DCDC1: variants seen among roughly 807,000 people sequenced by gnomAD.
The protein encoded by DCDC1 is doublecortin domain-containing protein 1.
In DCDC1, 200 loss-of-function variants were observed where a neutral mutation model predicts 178.3. That is an observed-to-expected ratio of 1.12 (90% CI 1.00 to 1.26). The LOEUF (loss-of-function observed/expected upper bound fraction) is 1.26, where lower values mean the gene tolerates loss of function less well. Ranked by LOEUF, DCDC1 falls within the 50% of genes most tolerant of loss-of-function variation. The pLI is 0.00. For synonymous variants in DCDC1, 690 were observed against 604.8 expected, an observed-to-expected ratio of 1.14 and a Z score of -2.07; for missense variants, 1,983 against 1,749.2, an observed-to-expected ratio of 1.13 and a Z score of -2.38.
rs542211219 is a variant in DCDC1 at position 31,041,357 on chromosome 11, C to G, written c.2591+23112G>C. 4.8e-4 allele frequency among the ~76,000 whole-genome samples: 73 copies of G among 152,292 alleles called. 1 individual carries two copies. The South Asian group carries it at 8.3e-3, about 17-fold the overall frequency. On this transcript the variant is annotated intron_variant, in intron 20 of 38. Coordinates refer to ENST00000684477, the MANE Select transcript of DCDC1 (RefSeq NM_001387274.1). The stretch of plus-strand genomic sequence containing the variant: ...CTTCAAATAACTGTTCTGCTGAGCA[C>G]TAGGTCCCAAGCACTATTTCTAAGT...
intron 20 of DCDC1, among the ~76,000 whole-genome samples, chr11:31,063,113 G>C (rs376734545): frequency 1.3e-5 from 2 of 151,806 alleles, no homozygotes; most frequent in South Asian, 2.1e-4. Flanking sequence ...CTCATCATCA[G>C]TGGCCATCAG....
At chr11:31,137,081 T>A (rs1207756413) in intron 10 of DCDC1, among the ~76,000 whole-genome samples, 1 of 152,182 alleles carries the variant, frequency 6.6e-6, no homozygotes, top group Non-Finnish European at 1.5e-5. Context: ...CCTATGTTGG[T>A]AGGTTTTATA....
At position 30,878,730 on chromosome 11, in the gene DCDC1, A is replaced by G. The variant is rs747807868; in HGVS notation, c.5234-19T>C. 9.7e-6 allele frequency: 15 copies of G among 1,550,904 alleles called. No homozygotes were observed. The Admixed American group carries it at 1.3e-4, about 14-fold the overall frequency. ...TTTAACTCTGTTAAAAAAAAAAAAA[A>G]AAGAAGTTGAGAGACAAGTCAATGT... is the stretch of plus-strand genomic sequence containing the variant. On this transcript the variant is annotated intron_variant, in intron 37 of 38. Transcript: ENST00000684477.
At chr11:31,213,100 C>CCTCTCTCTCTCTCT (rs71060480) in intron 9 of DCDC1, among the ~76,000 whole-genome samples, 9 of 44,268 alleles carry the variant, frequency 2.0e-4, no homozygotes, top group Non-Finnish European at 2.7e-4. Context: ...TAAAGCCCAG[C>CCTCTCTCTCTCTCT]CTCTCTCTCT....
chr11:31,033,031 G>C (rs1953764550), intron 20 of DCDC1, among the ~76,000 whole-genome samples: 1 of 152,166 alleles, frequency 6.6e-6, no homozygotes, highest in Non-Finnish European at 1.5e-5. Context: ...AGCCCTTCCA[G>C]CAATTCCATC....
rs1940813925 is a variant in DCDC1 at position 30,864,106 on chromosome 11, A to G, written c.*1267T>C. 6.6e-6 allele frequency: 1 copy of G among 152,136 alleles called. No homozygotes were observed. The highest frequency in any genetic ancestry group is 2.4e-5 in the African/African-American group (1 of 41,404). 9.4% of individuals were successfully genotyped at this position (152,136 alleles called of 1,614,324 possible). On this transcript the variant is annotated 3_prime_UTR_variant, in exon 39 of 39. Transcript: ENST00000684477. ...CGCGCCACTGAACTCCAGACTGGGCAACAGAGTGAGACTCCATCTCAAAAA... is the reference window on the plus strand; with the variant it reads ...CGCGCCACTGAACTCCAGACTGGGCGACAGAGTGAGACTCCATCTCAAAAA...
chr11:31,111,511 C>T (rs1399185122), intron 11 of DCDC1, among the ~76,000 whole-genome samples: 1 of 152,124 alleles, frequency 6.6e-6, no homozygotes, highest in Non-Finnish European at 1.5e-5. Context: ...CAAGAACCTA[C>T]AGCTTTCAGC....
intron 20 of DCDC1, among the ~76,000 whole-genome samples, chr11:31,034,267 T>C (rs1187087657): frequency 6.7e-6 from 1 of 149,050 alleles, no homozygotes; most frequent in Admixed American, 6.8e-5. Context: ...TATAAAAGAG[T>C]CAAAGTTAAA....
chr11:31,115,136 T>A (rs1959687386), intron 11 of DCDC1, among the ~76,000 whole-genome samples: 1 of 152,170 alleles, frequency 6.6e-6, no homozygotes, highest in South Asian at 2.1e-4. Flanking sequence ...TTTTATTGAC[T>A]GTGAAGATTT....
intron 20 of DCDC1, among the ~76,000 whole-genome samples, chr11:30,985,493 A>G (rs1247902775): frequency 6.6e-6 from 1 of 152,212 alleles, no homozygotes; most frequent in African/African-American, 2.4e-5. Context: ...TATAATTCAC[A>G]TAAAGTAAAA....
intron 36 of DCDC1, among the ~76,000 whole-genome samples, chr11:30,885,286 A>C (rs1395721412): frequency 6.6e-6 from 1 of 151,906 alleles, no homozygotes. Context: ...CTGCAAAAAA[A>C]TTAGATGAAA....
chr11:30,949,485 C>A (rs1351845170), intron 21 of DCDC1, among the ~76,000 whole-genome samples: 1 of 152,106 alleles, frequency 6.6e-6, no homozygotes, highest in African/African-American at 2.4e-5. Context: ...TGCCATATGA[C>A]CCAGCAATCC....
chr11:31,289,806 G>C (rs1434141212), intron 7 of DCDC1, among the ~76,000 whole-genome samples: 2 of 151,906 alleles, frequency 1.3e-5, no homozygotes, highest in African/African-American at 4.8e-5. Flanking sequence ...TGTTTTTTTA[G>C]ATGAAGAAAC....
At chr11:31,327,039 A>G (rs1405298010) in intron 3 of DCDC1, among the ~76,000 whole-genome samples, 2 of 152,102 alleles carry the variant, frequency 1.3e-5, no homozygotes, top group East Asian at 3.8e-4. Flanking sequence ...TTCATACCAT[A>G]CCTTCTTTAT....
chr11:30,908,796 C>T (rs1218084945), intron 29 of DCDC1, 150 bp downstream of exon 29: 4 of 533,248 alleles, frequency 7.5e-6, no homozygotes, highest in Admixed American at 4.1e-5. Context: ...TCTTTCCTAC[C>T]AGAATCAGAG....
chr11:31,254,638 C>A (rs1452325044), intron 8 of DCDC1, among the ~76,000 whole-genome samples: 2 of 152,162 alleles, frequency 1.3e-5, no homozygotes, highest in Non-Finnish European at 2.9e-5. Context: ...GCTCATGAGT[C>A]TGCAAGTTAA....
intron 20 of DCDC1, among the ~76,000 whole-genome samples, chr11:31,000,942 G>T (rs1951539221): frequency 6.6e-6 from 1 of 152,054 alleles, no homozygotes; most frequent in Non-Finnish European, 1.5e-5. Flanking sequence ...AATTTGTAAA[G>T]AGATAACTTG....
In DCDC1 at chr11:31,361,799, T is replaced by C. The variant is rs563661386; in HGVS notation, c.-125+7898A>G. ...CCCAGCCCCTAATCATTTAAAATGC[T>C]CTAGGCTTGCTAATTCTTACTGTAT... On this transcript the variant is annotated intron_variant, in intron 1 of 38. Transcript: ENST00000684477. Among the ~76,000 whole-genome samples the C allele has an allele frequency of 2.0e-5, 3 of 152,306 alleles. No individual in the cohort carries two copies. In the East Asian group the frequency reaches 5.8e-4, roughly 29 times the overall value.
At chr11:31,276,300 A>C (rs1474245502) in intron 7 of DCDC1, among the ~76,000 whole-genome samples, 1 of 152,230 alleles carries the variant, frequency 6.6e-6, no homozygotes, top group Non-Finnish European at 1.5e-5. Context: ...TCTAGGGAAT[A>C]ATTTTAGATG....
Sources: gnomAD v4.1 joint callset for allele counts (sites outside exome capture counted in the v4.1 genomes callset) on GRCh38, gnomAD v4.1.1 for gene constraint, MANE v1.5 for transcripts, NCBI Gene and HGNC (gene_info 2026-07-23, HGNC 2026-07-21) for gene names.